Variants in ADAMTSL1 observed in about 807,000 individuals in gnomAD.
ADAMTSL1 encodes ADAMTS like 1, also known as ADAMTS-like protein 1.
A neutral mutation model predicts 201.8 loss-of-function variants in ADAMTSL1; 126 were observed. That is an observed-to-expected ratio of 0.62 (90% CI 0.54 to 0.72). The LOEUF (loss-of-function observed/expected upper bound fraction) is 0.72, where lower values mean the gene tolerates loss of function less well. ADAMTSL1 is among the 30% of genes least tolerant of loss of function. ADAMTSL1 has a pLI of 0.00. For missense variants in ADAMTSL1, 2,679 were observed against 2,277.8 expected (o/e 1.18, Z -3.59); for synonymous variants, 1,121 against 903.4 (o/e 1.24, Z -4.32).
intron 2 of ADAMTSL1, among the ~76,000 whole-genome samples, chr9:18,180,809 C>G (rs201423934): frequency 2.0e-5 from 3 of 152,176 alleles, no homozygotes; most frequent in South Asian, 2.1e-4. Context: ...TGGAACCAAA[C>G]AAGAGCCCGC....
At chr9:18,314,356 G>A (rs1834276236) in intron 2 of ADAMTSL1, among the ~76,000 whole-genome samples, 1 of 152,162 alleles carries the variant, frequency 6.6e-6, no homozygotes, top group Non-Finnish European at 1.5e-5. Flanking sequence ...CAAGAATGAA[G>A]CTGTGGACCC....
chr9:18,576,416 C>T (rs1274078623), intron 4 of ADAMTSL1, among the ~76,000 whole-genome samples: 2 of 152,128 alleles, frequency 1.3e-5, no homozygotes. Flanking sequence ...CATAGTCTCA[C>T]CTTGATAGAA....
At chr9:18,018,579 G>A (rs1820353395) in intron 1 of ADAMTSL1, among the ~76,000 whole-genome samples, 1 of 152,050 alleles carries the variant, frequency 6.6e-6, no homozygotes, top group Non-Finnish European at 1.5e-5. Flanking sequence ...GAAGCCAACT[G>A]CAACTTAGAG....
intron 20 of ADAMTSL1, among the ~76,000 whole-genome samples, chr9:18,799,125 T>C (rs1489000961): frequency 6.6e-6 from 1 of 152,138 alleles, no homozygotes; most frequent in African/African-American, 2.4e-5. Context: ...AATTCCTCCC[T>C]CTAAATTCAC....
chr9:18,720,937 C>T (rs1179907755), intron 14 of ADAMTSL1, among the ~76,000 whole-genome samples: 4 of 152,162 alleles, frequency 2.6e-5, no homozygotes, highest in Non-Finnish European at 5.9e-5. Context: ...TTGTTTTCCA[C>T]GGCTGTGGTT....
At chr9:18,016,791 G>T (rs1415561782) in intron 1 of ADAMTSL1, among the ~76,000 whole-genome samples, 1 of 152,104 alleles carries the variant, frequency 6.6e-6, no homozygotes, top group East Asian at 1.9e-4. Flanking sequence ...AGCAGAATAT[G>T]GTCCCTGCGT....
chr9:18,496,794 T>C (rs1232322208), intron 1 of ADAMTSL1, among the ~76,000 whole-genome samples: 1 of 152,202 alleles, frequency 6.6e-6, no homozygotes, highest in African/African-American at 2.4e-5. Flanking sequence ...CTACAGATGG[T>C]TTGTAAATTC....
intron 1 of ADAMTSL1, among the ~76,000 whole-genome samples, chr9:18,011,451 G>T (rs1415274424): frequency 6.6e-6 from 1 of 151,976 alleles, no homozygotes; most frequent in Non-Finnish European, 1.5e-5. Flanking sequence ...ACACACTCAT[G>T]CCTAGGAGAG....
intron 1 of ADAMTSL1, among the ~76,000 whole-genome samples, chr9:17,944,254 C>T (rs1827362087): frequency 6.6e-6 from 1 of 152,122 alleles, no homozygotes; most frequent in Admixed American, 6.6e-5. Context: ...ATCCAACATA[C>T]AAGGGACGTG....
intron 2 of ADAMTSL1, among the ~76,000 whole-genome samples, chr9:18,263,821 G>C (rs147645308): frequency 6.6e-6 from 1 of 152,102 alleles, no homozygotes; most frequent in Non-Finnish European, 1.5e-5. Context: ...ACACACAGGG[G>C]GATGGTAGCC....
At chr9:18,524,521 T>G (rs1818909881) in intron 2 of ADAMTSL1, among the ~76,000 whole-genome samples, 1 of 152,178 alleles carries the variant, frequency 6.6e-6, no homozygotes, top group South Asian at 2.1e-4. Flanking sequence ...TTTGTGCCAG[T>G]TTTCAAAGGG....
At position 18,104,546 on chromosome 9, in the gene ADAMTSL1, G is replaced by A. The variant is rs746769859; in HGVS notation, c.88-59316G>A. On this transcript the variant is annotated intron_variant, in intron 1 of 29. Transcript: ENST00000680146. ...TCTGGGAGCTAAACAGTAGGTACAC[G>A]TGGACATAGAGAGTGGAAAAATAGA... 5.9e-5 allele frequency among the ~76,000 whole-genome samples: 9 copies of A among 152,202 alleles called. No homozygotes were observed. In the East Asian group the frequency reaches 7.7e-4, roughly 13 times the overall value.
intron 2 of ADAMTSL1, among the ~76,000 whole-genome samples, chr9:18,200,364 A>T (rs752698670): frequency 1.3e-5 from 2 of 151,850 alleles, no homozygotes; most frequent in Non-Finnish European, 2.9e-5. Context: ...TACTCATTTG[A>T]TTCTCTTTTG....
chr9:18,258,214 T>C (rs1352088281), intron 2 of ADAMTSL1, among the ~76,000 whole-genome samples: 3 of 152,256 alleles, frequency 2.0e-5, no homozygotes, highest in Non-Finnish European at 4.4e-5. Context: ...AATTTTATGT[T>C]GTATGTATTT....
intron 24 of ADAMTSL1, 63 bp downstream of exon 24, chr9:18,888,106 C>G (rs1357603218): frequency 3.3e-6 from 5 of 1,510,600 alleles, no homozygotes; most frequent in South Asian, 2.4e-5. Flanking sequence ...GGGAATCTAA[C>G]TATCTAGCAG....
intron 1 of ADAMTSL1, among the ~76,000 whole-genome samples, chr9:17,984,631 T>C (rs565984462): frequency 1.5e-4 from 23 of 152,294 alleles, no homozygotes; most frequent in African/African-American, 5.3e-4. Context: ...TTTCTAGAAG[T>C]GGAAACTCCT....
chr9:17,966,242 G>T (rs1015714572), intron 1 of ADAMTSL1, among the ~76,000 whole-genome samples: 1 of 152,132 alleles, frequency 6.6e-6, no homozygotes, highest in African/African-American at 2.4e-5. Flanking sequence ...GAAGAAATAA[G>T]TAAGTATAGT....
intron 4 of ADAMTSL1, 110 bp from the exon 5 acceptor site, chr9:18,622,133 T>C: frequency 7.0e-7 from 1 of 1,424,602 alleles, no homozygotes; most frequent in Non-Finnish European, 9.5e-7. Flanking sequence ...CGGGGTATGT[T>C]TTAGGCCCCT....
intron 4 of ADAMTSL1, among the ~76,000 whole-genome samples, chr9:18,619,619 G>T (rs1825905682): frequency 6.6e-6 from 1 of 152,144 alleles, no homozygotes; most frequent in Non-Finnish European, 1.5e-5. Context: ...GATCTGTGAA[G>T]CTGAATTGTT....
Sources: gnomAD v4.1 joint callset for allele counts (sites outside exome capture counted in the v4.1 genomes callset) on GRCh38, gnomAD v4.1.1 for gene constraint, MANE v1.5 for transcripts, NCBI Gene and HGNC (gene_info 2026-07-23, HGNC 2026-07-21) for gene names.